The following SCFD1 variants were observed in gnomAD, a reference collection of about 807,000 sequenced individuals.
SCFD1 encodes the protein sec1 family domain-containing protein 1.
SCFD1 carries 37 observed loss-of-function variants against 103.2 expected under a neutral mutation model. The ratio of observed to expected loss-of-function variants is 0.36; its 90% CI spans 0.28 to 0.47. SCFD1 has a LOEUF of 0.47. SCFD1 is among the 20% of genes least tolerant of loss of function. The pLI is 1.00. For missense variants in SCFD1, 639 were observed against 761.2 expected (o/e 0.84, Z 1.89); for synonymous variants, 264 against 245.0 (o/e 1.08, Z -0.73).
chr14:30,670,130 A>G (rs1431208157), intron 10 of SCFD1, 126 bp from the exon 11 acceptor site: 8 of 705,262 alleles, frequency 1.1e-5, no homozygotes, highest in Non-Finnish European at 1.9e-5. Context: ...GTAACAAAAG[A>G]TTGGGAGGAG....
intron 10 of SCFD1, among the ~76,000 whole-genome samples, chr14:30,665,601 T>A (rs1009985039): frequency 2.6e-5 from 4 of 152,016 alleles, no homozygotes; most frequent in African/African-American, 9.7e-5. Context: ...GACTGGCAAA[T>A]TGGATAAAGA....
intron 15 of SCFD1, among the ~76,000 whole-genome samples, chr14:30,699,382 A>T (rs1890919594): frequency 1.3e-5 from 2 of 152,294 alleles, no homozygotes; most frequent in African/African-American, 4.8e-5. Flanking sequence ...CTTTAAAGTG[A>T]GACTGAATAT....
At chr14:30,637,654 A>G (rs1884862856) in intron 4 of SCFD1, among the ~76,000 whole-genome samples, 1 of 152,198 alleles carries the variant, frequency 6.6e-6, no homozygotes, top group African/African-American at 2.4e-5. Flanking sequence ...AAGAATTTGC[A>G]TAACTTAAAT....
chr14:30,710,119 T>A (rs1327190324), intron 19 of SCFD1, among the ~76,000 whole-genome samples: 1 of 152,180 alleles, frequency 6.6e-6, no homozygotes, highest in Non-Finnish European at 1.5e-5. Flanking sequence ...TTCTTAAATA[T>A]TTTATTGTGC....
chr14:30,624,099 AT>A (rs1488905497), intron 1 of SCFD1, among the ~76,000 whole-genome samples: 1 of 152,112 alleles, frequency 6.6e-6, no homozygotes, highest in African/African-American at 2.4e-5. Context: ...TGCCTGAAAA[AT>A]CTTTATTGGT....
intron 3 of SCFD1, among the ~76,000 whole-genome samples, chr14:30,633,700 A>G (rs998927861): frequency 1.3e-5 from 2 of 152,202 alleles, no homozygotes; most frequent in Non-Finnish European, 2.9e-5. Context: ...ATGTCTGACC[A>G]TAAGCAGTGC....
rs147570657 is a variant in SCFD1, at chr14:30,629,319, A to G, written c.132+1040A>G. 8.5e-5 allele frequency among the ~76,000 whole-genome samples: 13 copies of G among 152,340 alleles called. No individual in the cohort carries two copies. The East Asian group carries it at 2.5e-3, about 29-fold the overall frequency. ...TCTTTAAAGGAAATCCTGGCATTTA[A>G]GAAAATGTGTTTTCATAACAACATG... On this transcript the variant is annotated intron_variant, in intron 2 of 24. Coordinates refer to ENST00000458591, the MANE Select transcript of SCFD1 (RefSeq NM_016106.4).
At chr14:30,702,956 A>G (rs1403460628) in intron 17 of SCFD1, among the ~76,000 whole-genome samples, 1 of 152,108 alleles carries the variant, frequency 6.6e-6, no homozygotes, top group East Asian at 1.9e-4. Context: ...TAGTGTTAGT[A>G]AGTATATTGT....
At chr14:30,643,542 C>CTT in intron 7 of SCFD1, 137 bp downstream of exon 7, 3 of 627,874 alleles carry the variant, frequency 4.8e-6, no homozygotes, top group African/African-American at 3.7e-5. Flanking sequence ...AATATATATT[C>CTT]AATAGTATAT....
chr14:30,721,594 T>A (rs1027448094), intron 21 of SCFD1: 1 of 344,680 alleles, frequency 2.9e-6, no homozygotes, highest in Non-Finnish European at 5.2e-6. Flanking sequence ...AGACTTACGC[T>A]CCTCCTCGTG....
intron 10 of SCFD1, among the ~76,000 whole-genome samples, chr14:30,656,432 T>C (rs1267744743): frequency 6.6e-6 from 1 of 152,104 alleles, no homozygotes; most frequent in Admixed American, 6.5e-5. Context: ...GACCTGATCA[T>C]TCTTTGTTGG....
At chr14:30,639,688 C>T in intron 5 of SCFD1, 89 bp from the exon 6 acceptor site, 6 of 1,305,540 alleles carry the variant, frequency 4.6e-6, no homozygotes, top group Non-Finnish European at 6.0e-6. Flanking sequence ...TTTTTCATTT[C>T]TACCATTGGT....
intron 10 of SCFD1, among the ~76,000 whole-genome samples, chr14:30,655,407 T>G (rs997360472): frequency 2.0e-5 from 3 of 152,088 alleles, no homozygotes; most frequent in Non-Finnish European, 4.4e-5. Flanking sequence ...AATACAGGAC[T>G]CTAGGGATTA....
intron 11 of SCFD1, 124 bp downstream of exon 11, chr14:30,670,519 G>A: frequency 1.8e-6 from 1 of 567,102 alleles, no homozygotes; most frequent in South Asian, 2.7e-5. Context: ...AGTGGGGGCT[G>A]TAATTAGATA....
At chr14:30,639,190 T>C (rs949184317) in intron 5 of SCFD1, among the ~76,000 whole-genome samples, 2 of 152,162 alleles carry the variant, frequency 1.3e-5, no homozygotes, top group Non-Finnish European at 2.9e-5. Flanking sequence ...ATTTTTTTAA[T>C]ATGTTGCCCA....
rs150885724 is a variant in SCFD1 at position 30,623,829 on chromosome 14, G to A, written c.61+1430G>A. On this transcript the variant is annotated intron_variant, in intron 1 of 24. Coordinates refer to ENST00000458591, the MANE Select transcript of SCFD1 (RefSeq NM_016106.4). ...GTCATTGAATTCTGCCTTATTTTCA[G>A]AGGAAGGTAAATCCTTGTATATATA... is the stretch of plus-strand genomic sequence containing the variant. Among the ~76,000 whole-genome samples, 730 of 152,234 alleles carry A rather than the reference G, an allele frequency of 4.8e-3. 3 individuals carry two copies. The highest frequency in any genetic ancestry group is 0.017 in the African/African-American group (700 of 41,514).
rs1057290431 is a variant in SCFD1, at chr14:30,690,706, T to C, written c.1243-4067T>C. Among the ~76,000 whole-genome samples, 32 of 149,534 alleles carry C rather than the reference T, an allele frequency of 2.1e-4. 1 individual carries two copies. Among genetic ancestry groups the C allele is most frequent in the African/African-American group, 6.8e-4 (27 of 39,614 alleles). ...CGCACACACACTGGCCTGCGCCCAC[T>C]GTCTGGCGCTCCCTAGTGAGATGAA... On this transcript the variant is annotated intron_variant, in intron 14 of 24. Transcript: ENST00000458591.
chr14:30,627,012 T>C (rs1190764995), intron 1 of SCFD1, among the ~76,000 whole-genome samples: 1 of 152,206 alleles, frequency 6.6e-6, no homozygotes, highest in Non-Finnish European at 1.5e-5. Flanking sequence ...TTATTCTGTA[T>C]TACTTAAAGC....
At chr14:30,622,648 A>T (rs1882970876) in intron 1 of SCFD1, among the ~76,000 whole-genome samples, 2 of 152,070 alleles carry the variant, frequency 1.3e-5, no homozygotes, top group African/African-American at 4.8e-5. Flanking sequence ...TCTCCTTCCT[A>T]GTGGGCATCA....
Sources: gnomAD v4.1 joint callset for allele counts (sites outside exome capture counted in the v4.1 genomes callset) on GRCh38, gnomAD v4.1.1 for gene constraint, MANE v1.5 for transcripts, NCBI Gene and HGNC (gene_info 2026-07-23, HGNC 2026-07-21) for gene names.